The following PCDHGA3 variants were observed in gnomAD, a reference collection of about 807,000 sequenced individuals.
PCDHGA3 encodes protocadherin gamma-A3.
PCDHGA3 carries 40 observed loss-of-function variants against 58.5 expected under a neutral mutation model. The observed-to-expected ratio is 0.68, with a 90% CI of 0.53 to 0.89. The LOEUF (loss-of-function observed/expected upper bound fraction) is 0.89. Ranked by LOEUF, PCDHGA3 falls within the 40% of genes least tolerant of loss-of-function variation. The pLI is 0.00. For synonymous variants in PCDHGA3, 530 were observed against 525.7 expected (o/e 1.01, Z -0.11); for missense variants, 1,223 against 1,195.9 (o/e 1.02, Z -0.33).
At chr5:141,384,645 A>G in intron 1 of PCDHGA3, 1 of 1,614,218 alleles carries the variant, frequency 6.2e-7, no homozygotes, top group Non-Finnish European at 8.5e-7. Flanking sequence ...CCCGCTCCGC[A>G]GAGCCCGGCT....
At chr5:141,350,479 C>G (rs376831132) in intron 1 of PCDHGA3, 1 of 1,613,916 alleles carries the variant, frequency 6.2e-7, no homozygotes, top group Non-Finnish European at 8.5e-7. Flanking sequence ...ATTATTTCAA[C>G]GTTAGTTTGG....
chr5:141,370,449 C>A (rs376611019), intron 1 of PCDHGA3: 1 of 1,608,576 alleles, frequency 6.2e-7, no homozygotes, highest in African/African-American at 1.3e-5. Context: ...AATGCTATTT[C>A]TCTTCCTGCT....
chr5:141,387,687 G>A, intron 1 of PCDHGA3: 1 of 808,412 alleles, frequency 1.2e-6, no homozygotes, highest in Non-Finnish European at 1.9e-6. Context: ...CGCAGCCGCA[G>A]CGCGCTTTCC....
chr5:141,393,232 T>TA lies in PCDHGA3; in HGVS notation c.2424+46780dup, dbSNP rs774547937. On this transcript the variant is annotated intron_variant, in intron 1 of 3. Coordinates refer to ENST00000253812, the MANE Select transcript of PCDHGA3 (RefSeq NM_018916.4). The stretch of plus-strand genomic sequence containing the variant: ...AAATTCCAGGTCGAAGATCTAGAAG[T>TA]AAAAATTAACGAAATCGCGGTTCCT... The TA allele has an allele frequency of 5.6e-6, 9 of 1,613,542 alleles. No homozygotes were observed. The African/African-American group carries it at 1.2e-4, about 22-fold the overall frequency.
At chr5:141,372,670 A>G (rs1383646459) in intron 1 of PCDHGA3, 4 of 1,613,908 alleles carry the variant, frequency 2.5e-6, no homozygotes, top group Non-Finnish European at 3.4e-6. Flanking sequence ...GCTGCCTCAC[A>G]TTCCTCAAAC....
At chr5:141,384,649 C>A (rs778822731) in intron 1 of PCDHGA3, 2 of 1,614,232 alleles carry the variant, frequency 1.2e-6, no homozygotes, top group South Asian at 1.1e-5. Flanking sequence ...CTCCGCAGAG[C>A]CCGGCTACCT....
At chr5:141,483,637 G>A (rs1365525499) in intron 1 of PCDHGA3, among the ~76,000 whole-genome samples, 1 of 145,878 alleles carries the variant, frequency 6.9e-6, no homozygotes, top group South Asian at 2.1e-4. Flanking sequence ...AAGGTATAGA[G>A]GGGTGTGTGT....
chr5:141,409,844 C>G (rs1380163040), intron 1 of PCDHGA3: 3 of 1,611,858 alleles, frequency 1.9e-6, no homozygotes, highest in East Asian at 4.5e-5. Flanking sequence ...CAACGTGAGC[C>G]TGCGCGTGTT....
At position 141,344,028 on chromosome 5, in the gene PCDHGA3, A is replaced by G. The variant is rs748991273; in HGVS notation, c.-6A>G. The G allele has an allele frequency of 3.5e-5, 53 of 1,530,648 alleles. No homozygotes were observed. The highest frequency in any genetic ancestry group is 4.3e-5 in the Non-Finnish European group (49 of 1,141,160). The allele number at this position is 1,530,648 out of a possible 1,614,324, so 94.8% of individuals were successfully genotyped here. ...AATTCAGAGAAAGCGATTCACCGAAAAGGAAATGACCAATTGCCTGAGTTT... is the reference window on the plus strand; with the variant it reads ...AATTCAGAGAAAGCGATTCACCGAAGAGGAAATGACCAATTGCCTGAGTTT... On this transcript the variant is annotated 5_prime_UTR_variant, in exon 1 of 4. Coordinates refer to ENST00000253812, the MANE Select transcript of PCDHGA3 (RefSeq NM_018916.4).
At position 141,408,387 on chromosome 5, in the gene PCDHGA3, C is replaced by T. The variant is rs774250271; in HGVS notation, c.2424+61930C>T. Reference sequence around the variant, plus strand: ...CTAGGGCTCAGTGTCCTGGATGTGTCGGCTCGCAAGCTGCGAGTGAGCGCG... The same window carrying T: ...CTAGGGCTCAGTGTCCTGGATGTGTTGGCTCGCAAGCTGCGAGTGAGCGCG... On this transcript the variant is annotated intron_variant, in intron 1 of 3. Transcript: ENST00000253812. 1.2e-5 allele frequency: 20 copies of T among 1,613,890 alleles called. No homozygotes were observed. Among genetic ancestry groups the T allele is most frequent in the Non-Finnish European group, 1.6e-5 (19 of 1,179,880 alleles).
At chr5:141,471,965 G>A (rs919560714) in intron 1 of PCDHGA3, among the ~76,000 whole-genome samples, 4 of 152,160 alleles carry the variant, frequency 2.6e-5, no homozygotes, top group Non-Finnish European at 4.4e-5. Context: ...GGGGTTGGTT[G>A]CATTACTGTA....
At chr5:141,495,065 T>C (rs1413025171) in intron 2 of PCDHGA3, among the ~76,000 whole-genome samples, 200 bp downstream of exon 2, 1 of 152,148 alleles carries the variant, frequency 6.6e-6, no homozygotes, top group Admixed American at 6.5e-5. Flanking sequence ...TTCAGGAAGC[T>C]CAATTCACAT....
chr5:141,363,888 C>T (rs1763099413), intron 1 of PCDHGA3, among the ~76,000 whole-genome samples: 1 of 152,020 alleles, frequency 6.6e-6, no homozygotes, highest in South Asian at 2.1e-4. Flanking sequence ...ACATAGGCTC[C>T]CCCGATGACG....
At chr5:141,355,698 C>T (rs781213427) in intron 1 of PCDHGA3, 1 of 1,613,810 alleles carries the variant, frequency 6.2e-7, no homozygotes, top group Non-Finnish European at 8.5e-7. Flanking sequence ...GTGTAAACTC[C>T]CTGCAGGGTT....
rs1591094034 is a variant in PCDHGA3 at position 141,431,659 on chromosome 5, A to T, written c.2425-63148A>T. 3.7e-6 allele frequency: 6 copies of T among 1,614,246 alleles called. No individual in the cohort carries two copies. The highest frequency in any genetic ancestry group is 3.4e-6 in the Non-Finnish European group (4 of 1,180,036). On this transcript the variant is annotated intron_variant, in intron 1 of 3. Coordinates refer to ENST00000253812, the MANE Select transcript of PCDHGA3 (RefSeq NM_018916.4). This position sits in a 1 kb window ranked among gnomAD's most constrained non-coding sequence, Gnocchi z 4.8. ...TCAAACTAGATTGTAATTCAGGGAC[A>T]ATATCAACAATAGGGGAGTTGGACC...
chr5:141,436,875 A>C (rs1182313546), intron 1 of PCDHGA3, among the ~76,000 whole-genome samples: 3 of 152,236 alleles, frequency 2.0e-5, no homozygotes, highest in African/African-American at 7.2e-5. Context: ...TTAGGCCATA[A>C]AAGATGGGGG....
intron 1 of PCDHGA3, among the ~76,000 whole-genome samples, chr5:141,437,913 T>G (rs1232481433): frequency 6.6e-6 from 1 of 152,138 alleles, no homozygotes; most frequent in East Asian, 1.9e-4. Context: ...AATTTTTGTA[T>G]TTTTAGTAGA....
At chr5:141,361,456 C>T (rs529112132) in intron 1 of PCDHGA3, 1 of 1,614,034 alleles carries the variant, frequency 6.2e-7, no homozygotes, top group South Asian at 1.1e-5. Context: ...TGTCACCCTG[C>T]ACATCTCCGA....
At position 141,489,244 on chromosome 5, in the gene PCDHGA3, G is replaced by A. The variant is rs145484133; in HGVS notation, c.2425-5563G>A. ...TCCACAAAGGGACTTCTGGGTCATG[G>A]GGCCCAAGACACTCCCACAGCTCGC... On this transcript the variant is annotated intron_variant, in intron 1 of 3. Coordinates refer to ENST00000253812, the MANE Select transcript of PCDHGA3 (RefSeq NM_018916.4). This position sits in a 1 kb window ranked among gnomAD's most constrained non-coding sequence, Gnocchi z 4.5. 5 of 1,534,936 alleles carry A rather than the reference G, an allele frequency of 3.3e-6. No individual in the cohort carries two copies. In the African/African-American group the frequency reaches 5.5e-5, roughly 17 times the overall value.
Sources: gnomAD v4.1 joint callset for allele counts (sites outside exome capture counted in the v4.1 genomes callset) on GRCh38, gnomAD v4.1.1 for gene constraint, Gnocchi (gnomAD v3.1) non-coding constraint, MANE v1.5 for transcripts, NCBI Gene and HGNC (gene_info 2026-07-23, HGNC 2026-07-21) for gene names.